Variants in CDCA7L observed in about 807,000 individuals in gnomAD.
CDCA7L encodes the protein cell division cycle associated 7 like.
CDCA7L carries 44 observed loss-of-function variants against 57.4 expected under a neutral mutation model. The observed-to-expected ratio is 0.77, with a 90% CI of 0.60 to 0.98. CDCA7L has a LOEUF of 0.98. CDCA7L is among the 50% of genes least tolerant of loss of function. CDCA7L has a pLI of 0.00. For missense variants in CDCA7L, 644 were observed against 580.6 expected (o/e 1.11, Z -1.12); for synonymous variants, 236 against 202.8 (o/e 1.16, Z -1.39).
intron 1 of CDCA7L, among the ~76,000 whole-genome samples, chr7:21,918,002 T>C (rs73281724): frequency 0.076 from 11,612 of 152,228 alleles, 1,457 homozygotes; most frequent in African/African-American, 0.26. Flanking sequence ...ACTGACTTTC[T>C]TTTTAGATAG....
intron 1 of CDCA7L, among the ~76,000 whole-genome samples, chr7:21,943,579 C>T (rs141809072): frequency 0.013 from 1,929 of 152,290 alleles, 40 homozygotes; most frequent in African/African-American, 0.044. Context: ...TGTTCTTATC[C>T]GCAGTCACCT....
At chr7:21,925,590 T>C (rs79770187) in intron 1 of CDCA7L, among the ~76,000 whole-genome samples, 18 of 152,174 alleles carry the variant, frequency 1.2e-4, no homozygotes, top group African/African-American at 4.3e-4. Context: ...AAGAGAATCA[T>C]AAAATCAAGG....
At chr7:21,930,945 G>T (rs1298175243) in intron 1 of CDCA7L, among the ~76,000 whole-genome samples, 1 of 151,746 alleles carries the variant, frequency 6.6e-6, no homozygotes, top group Non-Finnish European at 1.5e-5. Context: ...TGATAAAGGG[G>T]GTATCACCAC....
chr7:21,904,056 T>C (rs1043374458), intron 8 of CDCA7L, 54 bp downstream of exon 8: 1 of 1,491,134 alleles, frequency 6.7e-7, no homozygotes, highest in Non-Finnish European at 9.0e-7. Context: ...CCCATCTTTA[T>C]AGCTTGCTTC....
chr7:21,919,687 C>T (rs541986151), intron 1 of CDCA7L, among the ~76,000 whole-genome samples: 48 of 152,188 alleles, frequency 3.2e-4, no homozygotes, highest in African/African-American at 1.1e-3. Flanking sequence ...ACATTAGCAT[C>T]GCCGTTCCAC....
At chr7:21,909,925 C>G (rs1785262512) in intron 3 of CDCA7L, among the ~76,000 whole-genome samples, 1 of 152,176 alleles carries the variant, frequency 6.6e-6, no homozygotes, top group Non-Finnish European at 1.5e-5. Flanking sequence ...CAGCAATGTC[C>G]CATTATCAAG....
rs1006484019 is a variant in CDCA7L at position 21,905,591 on chromosome 7, G to C, written c.962C>G (p.Ser321Cys). ...REYRRRHRIS[S>C]FRPVEDITEE... The stretch of plus-strand genomic sequence containing the variant: ...GGTGATATCCTCCACTGGCCGAAAA[G>C]AAGATATACGGTGACGTCGTCTGTA... Residue 321 changes from serine (S) to cysteine (C), a missense_variant, in exon 7 of 10, where the codon TCT becomes TGT. Ser to Cys is a moderately radical substitution (Grantham distance 112, BLOSUM62 -1). Coordinates refer to ENST00000406877, the MANE Select transcript of CDCA7L (RefSeq NM_018719.5). The C allele has an allele frequency of 2.5e-6, 4 of 1,613,908 alleles. No individual in the cohort carries two copies. The African/African-American group carries it at 4.0e-5, about 16-fold the overall frequency.
chr7:21,904,125 C>T lies in CDCA7L; in HGVS notation c.1182G>A (p.Ser394=), dbSNP rs757890197. 24 of 1,603,600 alleles carry T rather than the reference C, an allele frequency of 1.5e-5. No homozygotes were observed. The highest frequency in any genetic ancestry group is 4.5e-5 in the East Asian group (2 of 44,552). ...CTGTTCCTACCGGGTCCAGCAATGC[C>T]GATCTGACATCCTCCCCATAGCGGT... ...LRNRYGEDVR[S]ALLDPDWVCP... The change falls in exon 8 of 10, where the codon TCG becomes TCA. Residue 394 remains serine (S), a synonymous_variant. Coordinates refer to ENST00000406877, the MANE Select transcript of CDCA7L (RefSeq NM_018719.5).
intron 9 of CDCA7L, 39 bp from the exon 10 acceptor site, chr7:21,902,391 A>G (rs1265666843): frequency 1.9e-6 from 3 of 1,586,296 alleles, no homozygotes; most frequent in Middle Eastern, 1.7e-4. Flanking sequence ...AAGTAGTACA[A>G]ATACACAAAT....
intron 1 of CDCA7L, among the ~76,000 whole-genome samples, chr7:21,921,303 T>C (rs1785643498): frequency 7.6e-6 from 1 of 131,160 alleles, no homozygotes; most frequent in African/African-American, 2.9e-5. Context: ...TCAAAAGGTA[T>C]TAAAAGAGTT....
At chr7:21,906,766 A>C (rs1294109950) in intron 4 of CDCA7L, 127 bp from the exon 5 acceptor site, 16 of 791,368 alleles carry the variant, frequency 2.0e-5, no homozygotes, top group Non-Finnish European at 3.2e-5. Flanking sequence ...TATATAACCC[A>C]CAACAGTTAT....
chr7:21,907,336 A>C (rs1317609590), intron 4 of CDCA7L, among the ~76,000 whole-genome samples: 2 of 152,226 alleles, frequency 1.3e-5, no homozygotes, highest in African/African-American at 4.8e-5. Context: ...GAAAGTAGGC[A>C]TTCCATTTTT....
Position 21,904,147 on chromosome 7 carries a change from C to A in CDCA7L, c.1160G>T (p.Arg387Leu). The stretch of plus-strand genomic sequence containing the variant: ...TGCCGATCTGACATCCTCCCCATAG[C>A]GGTTCCGCAGGCATGGTCCACAGAA... ...GQFCGPCLRN[R>L]YGEDVRSALL... The change falls in exon 8 of 10, where the codon CGC becomes CTC. Residue 387 changes from arginine to leucine, a missense_variant. Physicochemically the swap from Arg to Leu is moderately radical, Grantham distance 102 (BLOSUM62 -2). Transcript: ENST00000406877. 2.5e-6 allele frequency: 4 copies of A among 1,611,878 alleles called. No homozygotes were observed. The highest frequency in any genetic ancestry group is 3.4e-6 in the Non-Finnish European group (4 of 1,178,948).
At chr7:21,925,046 G>C (rs911198206) in intron 1 of CDCA7L, among the ~76,000 whole-genome samples, 1 of 152,114 alleles carries the variant, frequency 6.6e-6, no homozygotes, top group Non-Finnish European at 1.5e-5. Flanking sequence ...CACTGACCAT[G>C]TAACAGTTTA....
At chr7:21,938,425 T>C (rs1252625285) in intron 1 of CDCA7L, among the ~76,000 whole-genome samples, 2 of 151,626 alleles carry the variant, frequency 1.3e-5, no homozygotes, top group Non-Finnish European at 2.9e-5. Context: ...CGTGAAGAAA[T>C]TGGAACACTC....
intron 9 of CDCA7L, chr7:21,902,607 A>G: frequency 1.8e-6 from 1 of 558,018 alleles, no homozygotes. Context: ...CTTGTAACTC[A>G]CATTCTGTCC....
intron 1 of CDCA7L, 42 bp from the exon 2 acceptor site, chr7:21,916,936 T>C: frequency 1.9e-6 from 3 of 1,611,500 alleles, no homozygotes; most frequent in Non-Finnish European, 2.5e-6. Flanking sequence ...CCAGGGGTTC[T>C]TGCTAATCAC....
At chr7:21,938,690 A>G (rs62445935) in intron 1 of CDCA7L, among the ~76,000 whole-genome samples, 34,771 of 152,088 alleles carry the variant, frequency 0.23, 4,713 homozygotes, top group East Asian at 0.55. Flanking sequence ...GTATGTACAC[A>G]TAAGAGTATT....
intron 2 of CDCA7L, among the ~76,000 whole-genome samples, chr7:21,913,251 T>C (rs1261392854): frequency 6.6e-6 from 1 of 152,166 alleles, no homozygotes; most frequent in Non-Finnish European, 1.5e-5. Flanking sequence ...ATGTCTCCTA[T>C]GAATTATTAT....
Sources: gnomAD v4.1 joint callset for allele counts (sites outside exome capture counted in the v4.1 genomes callset) on GRCh38, gnomAD v4.1.1 for gene constraint, MANE v1.5 for transcripts, NCBI Gene and HGNC (gene_info 2026-07-23, HGNC 2026-07-21) for gene names.